Variants in NALCN observed in about 807,000 individuals in gnomAD.
NALCN encodes the protein sodium leak channel, non-selective.
A neutral mutation model predicts 225.3 loss-of-function variants in NALCN; 111 were observed. The observed-to-expected ratio is 0.49, with a 90% CI of 0.42 to 0.58. The LOEUF (loss-of-function observed/expected upper bound fraction) is 0.58. Ranked by LOEUF, NALCN falls within the 20% of genes least tolerant of loss-of-function variation. The probability of loss-of-function intolerance (pLI) is 0.00; values close to 1 mark genes in which losing one functional copy is unlikely to be tolerated. For synonymous variants in NALCN, 764 were observed against 769.0 expected (o/e 0.99, Z 0.11); for missense variants, 1,378 against 2,202.4 (o/e 0.63, Z 7.49).
At chr13:101,151,517 G>A (rs1051407409) in intron 15 of NALCN, among the ~76,000 whole-genome samples, 29 of 152,174 alleles carry the variant, frequency 1.9e-4, no homozygotes, top group Non-Finnish European at 1.0e-4. Flanking sequence ...TGATGTAACT[G>A]TAGAATATTT....
In NALCN at chr13:101,143,557, C is replaced by T. The variant is rs186725361; in HGVS notation, c.1977-336G>A. On this transcript the variant is annotated intron_variant, in intron 16 of 43. Coordinates refer to ENST00000251127, the MANE Select transcript of NALCN (RefSeq NM_052867.4). The stretch of plus-strand genomic sequence containing the variant: ...TCAGCTCACCACAACCTCCGCCTCC[C>T]GAGTTTAAGCAATTCTCCTGCCTCA... Among the ~76,000 whole-genome samples, 487 of 152,162 alleles carry T rather than the reference C, an allele frequency of 3.2e-3. 1 individual carries two copies. The highest frequency in any genetic ancestry group is 5.0e-3 in the Non-Finnish European group (340 of 68,000).
chr13:101,172,488 T>C (rs67398259), intron 15 of NALCN, among the ~76,000 whole-genome samples: 42,375 of 152,030 alleles, frequency 0.28, 7,076 homozygotes, highest in Non-Finnish European at 0.36. Context: ...CGGCCTCTCC[T>C]CTCCCCTGTA....
chr13:101,353,928 C>T (rs991622409), intron 6 of NALCN, among the ~76,000 whole-genome samples: 1 of 152,150 alleles, frequency 6.6e-6, no homozygotes, highest in Non-Finnish European at 1.5e-5. Context: ...ATATGTTCCC[C>T]AAGTTGACTC....
rs768233329 is a variant in NALCN, at chr13:101,067,939, G to A, written c.4425C>T (p.Asn1475=). Reference sequence around the variant, plus strand: ...ATACCTCTCTTTTATCATCCACCATGTTCCATATTATTTGAAAGTGGCGAA... The same window carrying A: ...ATACCTCTCTTTTATCATCCACCATATTCCATATTATTTGAAAGTGGCGAA... ...NDLRHFQIIW[N]MVDDKREGVI... is the part of the protein sequence containing the mutation. The change falls in exon 39 of 44, where the codon AAC becomes AAT. Residue 1475 remains asparagine (N), a synonymous_variant. Transcript: ENST00000251127. 2 of 1,611,976 alleles carry A rather than the reference G, an allele frequency of 1.2e-6. No individual in the cohort carries two copies. Among genetic ancestry groups the A allele is most frequent in the South Asian group, 1.1e-5 (1 of 90,822 alleles).
At chr13:101,401,295 T>C (rs2047471501) in intron 1 of NALCN, among the ~76,000 whole-genome samples, 1 of 152,176 alleles carries the variant, frequency 6.6e-6, no homozygotes, top group Admixed American at 6.6e-5. Context: ...AAAGTGTTTT[T>C]TTTTTCTCTG....
At chr13:101,412,631 C>T (rs1490683271) in intron 1 of NALCN, among the ~76,000 whole-genome samples, 8 of 152,186 alleles carry the variant, frequency 5.3e-5, no homozygotes, top group Non-Finnish European at 1.5e-5. Flanking sequence ...GTCTCTCTTC[C>T]GTATTTTTTG....
chr13:101,214,956 G>A (rs2040672534), intron 13 of NALCN, among the ~76,000 whole-genome samples: 1 of 152,094 alleles, frequency 6.6e-6, no homozygotes, highest in Non-Finnish European at 1.5e-5. Context: ...GAACTAGGGG[G>A]CATGAATAGA....
At chr13:101,144,042 T>C (rs971410653) in intron 16 of NALCN, among the ~76,000 whole-genome samples, 4 of 152,226 alleles carry the variant, frequency 2.6e-5, no homozygotes, top group Non-Finnish European at 5.9e-5. Context: ...TGGCACCATA[T>C]ATAGTCTCAT....
chr13:101,344,725 A>T (rs2139295704), intron 7 of NALCN, among the ~76,000 whole-genome samples: 1 of 152,334 alleles, frequency 6.6e-6, no homozygotes, highest in East Asian at 1.9e-4. Context: ...AAGAATGTAC[A>T]CATTTGAGCA....
chr13:101,121,338 T>C (rs1175911884), intron 18 of NALCN, among the ~76,000 whole-genome samples: 2 of 152,200 alleles, frequency 1.3e-5, no homozygotes, highest in Non-Finnish European at 2.9e-5. Context: ...TTTTCCCAAA[T>C]ACTTGTTATT....
intron 14 of NALCN, among the ~76,000 whole-genome samples, chr13:101,189,478 C>T (rs925331705): frequency 6.6e-6 from 1 of 152,174 alleles, no homozygotes; most frequent in Non-Finnish European, 1.5e-5. Context: ...AGGGTTAACT[C>T]GCAGATACAT....
At position 101,371,921 on chromosome 13, in the gene NALCN, A is replaced by G. The variant is rs530601351; in HGVS notation, c.644+4779T>C. On this transcript the variant is annotated intron_variant, in intron 6 of 43. Transcript: ENST00000251127. ...ATGTGCTCCCTTTTACTGTCAATCC[A>G]GGAATGGTCTAAAGTACACGTAAGT... Among the ~76,000 whole-genome samples the G allele has an allele frequency of 3.9e-5, 6 of 152,366 alleles. No homozygotes were observed. The South Asian group carries it at 1.0e-3, about 26-fold the overall frequency.
intron 9 of NALCN, among the ~76,000 whole-genome samples, chr13:101,290,325 G>A (rs1433218154): frequency 3.3e-5 from 5 of 152,192 alleles, no homozygotes; most frequent in Non-Finnish European, 7.3e-5. Flanking sequence ...CAGGAACACT[G>A]CATGTGAGTT....
rs763360490 is a variant in NALCN, at chr13:101,107,512, C to A, written c.2554G>T (p.Val852Leu). Residue 852 changes from valine (V) to leucine (L), a missense_variant, in exon 22 of 44, where the codon GTG becomes TTG. Physicochemically the swap from Val to Leu is conservative, Grantham distance 32. Transcript: ENST00000251127. ...GCGTTGAAGCGTGCTCGGACCACCACCCGGCAAAAGTTTCTGAACCTGTGT... is the reference window on the plus strand; with the variant it reads ...GCGTTGAAGCGTGCTCGGACCACCAACCGGCAAAAGTTTCTGAACCTGTGT... ...REHRFRNFCR[V>L]VVRARFNASK... The A allele has an allele frequency of 2.5e-6, 4 of 1,614,010 alleles. No individual in the cohort carries two copies. The African/African-American group carries it at 5.3e-5, about 22-fold the overall frequency.
At chr13:101,332,734 A>G (rs2045230190) in intron 7 of NALCN, among the ~76,000 whole-genome samples, 2 of 152,344 alleles carry the variant, frequency 1.3e-5, no homozygotes, top group East Asian at 3.9e-4. Flanking sequence ...TAATAAAAAC[A>G]TTTGTTTCAG....
chr13:101,111,276 G>T, intron 18 of NALCN, 50 bp from the exon 19 acceptor site: 1 of 1,489,202 alleles, frequency 6.7e-7, no homozygotes, highest in African/African-American at 1.4e-5. Context: ...GTACACTTGA[G>T]ATGAATAACA....
At chr13:101,119,958 A>T (rs1443942098) in intron 18 of NALCN, among the ~76,000 whole-genome samples, 1 of 152,194 alleles carries the variant, frequency 6.6e-6, no homozygotes, top group Non-Finnish European at 1.5e-5. Flanking sequence ...GTTCTCAAAT[A>T]TATCAAAAAA....
intron 3 of NALCN, among the ~76,000 whole-genome samples, chr13:101,389,437 G>A (rs935973402): frequency 6.6e-6 from 1 of 152,162 alleles, no homozygotes; most frequent in Non-Finnish European, 1.5e-5. Context: ...TGGAATATTA[G>A]AAACTCCAAA....
rs34583741 is a variant in NALCN, at chr13:101,056,246, CTTT to C, written c.5024-761_5024-759del. 8.1e-3 allele frequency among the ~76,000 whole-genome samples: 370 copies of C among 45,764 alleles called. 3 individuals carry two copies. Among genetic ancestry groups the C allele is most frequent in the South Asian group, 0.017 (15 of 906 alleles). The allele number at this position is 45,764 out of a possible 152,430, so 30.0% of individuals were successfully genotyped here. ...ACCTAGGCATGGACCAGTGGAAGTA[CTTT>C]TTTTTTTTTTTTTTTTTTTTTTTTT... On this transcript the variant is annotated intron_variant, in intron 43 of 43. Coordinates refer to ENST00000251127, the MANE Select transcript of NALCN (RefSeq NM_052867.4).
Sources: allele counts gnomAD v4.1 joint callset (sites outside exome capture counted in the v4.1 genomes callset), GRCh38; gene constraint gnomAD v4.1.1; transcripts MANE v1.5; gene names NCBI Gene and HGNC (gene_info 2026-07-23, HGNC 2026-07-21).